Variants in MMP26 observed in about 807,000 individuals in gnomAD.
MMP26 encodes matrix metallopeptidase 26, also known as matrix metalloproteinase-26.
In MMP26, 33 loss-of-function variants were observed where a neutral mutation model predicts 31.0. The observed-to-expected ratio is 1.06, with a 90% CI of 0.81 to 1.42. The LOEUF (loss-of-function observed/expected upper bound fraction) is 1.42. MMP26 is among the 40% of genes most tolerant of loss of function. The pLI is 0.00. For missense variants in MMP26, 347 were observed against 316.1 expected (o/e 1.10, Z -0.74); for synonymous variants, 122 against 114.9 (o/e 1.06, Z -0.40).
chr11:4,948,017 T>C (rs139237596), intron 2 of MMP26, among the ~76,000 whole-genome samples: 4,443 of 124,374 alleles, frequency 0.036, 1,277 homozygotes, highest in Non-Finnish European at 0.058. Flanking sequence ...TCCTAGGACA[T>C]AATGTGTTAT....
intron 2 of MMP26, among the ~76,000 whole-genome samples, chr11:4,929,007 T>G (rs901462820): frequency 6.6e-6 from 1 of 152,294 alleles, no homozygotes; most frequent in East Asian, 1.9e-4. Context: ...CCCTTCTAGA[T>G]ACTTTCTTTA....
chr11:4,824,399 A>G (rs1352875295), intron 2 of MMP26, among the ~76,000 whole-genome samples: 4 of 152,090 alleles, frequency 2.6e-5, no homozygotes, highest in African/African-American at 9.7e-5. Context: ...AAAATTATAC[A>G]CACTTATACG....
chr11:4,794,295 A>C (rs1849074791), intron 2 of MMP26: 2 of 152,158 alleles, frequency 1.3e-5, no homozygotes, highest in African/African-American at 4.8e-5. Flanking sequence ...CCAAACCCAA[A>C]GAATAGACTC....
chr11:4,912,918 A>T (rs1851013351), intron 2 of MMP26: 1 of 151,932 alleles, frequency 6.6e-6, no homozygotes, highest in South Asian at 2.1e-4. Flanking sequence ...TCTAGCCTGG[A>T]ATGTTAAACA....
Position 4,907,567 on chromosome 11 carries a change from G to A in MMP26, c.-144-80501G>A, listed in dbSNP as rs1049660650. The A allele has an allele frequency of 4.3e-6, 7 of 1,613,804 alleles. No individual in the cohort carries two copies. In the African/African-American group the frequency reaches 6.7e-5, roughly 15 times the overall value. ...CCATGTATTATTTCCTTGCCATGTT[G>A]GCTGTCTCTGACATGGGCCTGTCCC... On this transcript the variant is annotated intron_variant, in intron 2 of 7. Transcript: ENST00000380390.
At position 4,984,902 on chromosome 11, in the gene MMP26, C is replaced by T. The variant is rs748516857; in HGVS notation, c.-144-3166C>T. Among the ~76,000 whole-genome samples, 14 of 152,084 alleles carry T rather than the reference C, an allele frequency of 9.2e-5. 1 individual carries two copies. The highest frequency in any genetic ancestry group is 9.7e-5 in the African/African-American group (4 of 41,410). On this transcript the variant is annotated intron_variant, in intron 2 of 7. Coordinates refer to ENST00000380390, the MANE Select transcript of MMP26 (RefSeq NM_021801.5). ...AGAGAGATTTAACCTGATTTTTAAC[C>T]ATCCTAGAGAAGTCTATGTTCAGAA...
intron 1 of MMP26, among the ~76,000 whole-genome samples, chr11:4,728,235 T>G (rs1362828561): frequency 6.6e-6 from 1 of 152,202 alleles, no homozygotes; most frequent in African/African-American, 2.4e-5. Flanking sequence ...TGTTAAACAT[T>G]ATATTATAAT....
At chr11:4,780,521 A>G (rs1269453519) in intron 2 of MMP26, among the ~76,000 whole-genome samples, 2 of 151,876 alleles carry the variant, frequency 1.3e-5, no homozygotes, top group African/African-American at 4.8e-5. Context: ...AAGATTATCT[A>G]TTTTCTTATT....
At chr11:4,895,562 G>T (rs182178469) in intron 2 of MMP26, among the ~76,000 whole-genome samples, 8 of 152,304 alleles carry the variant, frequency 5.3e-5, no homozygotes, top group African/African-American at 1.9e-4. Context: ...ATAAACAGTT[G>T]CATGATTTCT....
chr11:4,818,686 G>T (rs1181694209), intron 2 of MMP26, among the ~76,000 whole-genome samples: 1 of 152,088 alleles, frequency 6.6e-6, no homozygotes, highest in Non-Finnish European at 1.5e-5. Flanking sequence ...TGTTTTGGAT[G>T]TCATCTTGCC....
intron 2 of MMP26, among the ~76,000 whole-genome samples, chr11:4,825,308 T>C (rs1358596371): frequency 6.6e-6 from 1 of 152,198 alleles, no homozygotes; most frequent in African/African-American, 2.4e-5. Flanking sequence ...GTATTTCTAG[T>C]CTTTTTCAAG....
chr11:4,735,551 C>G (rs941506465), intron 1 of MMP26, among the ~76,000 whole-genome samples: 3 of 152,128 alleles, frequency 2.0e-5, no homozygotes, highest in Non-Finnish European at 4.4e-5. Flanking sequence ...TCTTATTACT[C>G]CTGTTGCCAG....
chr11:4,822,224 A>T, intron 2 of MMP26: 1 of 1,584,190 alleles, frequency 6.3e-7, no homozygotes, highest in Non-Finnish European at 8.6e-7. Flanking sequence ...CGCTATGGCC[A>T]TTCAGCACCT....
chr11:4,721,082 G>C lies in MMP26; in HGVS notation c.-217+16037G>C, dbSNP rs1297099046. ...GTGTCCTAGCCTCCCCCAATTAATG[G>C]ACCATAGCAGGGAACCAAACAATTA... On this transcript the variant is annotated intron_variant, in intron 1 of 7. Coordinates refer to ENST00000380390, the MANE Select transcript of MMP26 (RefSeq NM_021801.5). Among the ~76,000 whole-genome samples, 3 of 152,244 alleles carry C rather than the reference G, an allele frequency of 2.0e-5. No homozygotes were observed. The East Asian group carries it at 5.8e-4, about 29-fold the overall frequency.
At chr11:4,721,482 G>A (rs898748932) in intron 1 of MMP26, among the ~76,000 whole-genome samples, 3 of 152,162 alleles carry the variant, frequency 2.0e-5, no homozygotes, top group African/African-American at 7.2e-5. Flanking sequence ...GCAATGGCCA[G>A]CAACAGAGTT....
chr11:4,749,828 T>C (rs1252765886), intron 1 of MMP26, among the ~76,000 whole-genome samples: 1 of 152,116 alleles, frequency 6.6e-6, no homozygotes, highest in Non-Finnish European at 1.5e-5. Flanking sequence ...ATAAAAACAC[T>C]AGAAGAAAAG....
rs568724611 is a variant in MMP26 at position 4,821,898 on chromosome 11, G to A, written c.-145+54557G>A. On this transcript the variant is annotated intron_variant, in intron 2 of 7. Transcript: ENST00000380390. ...TGATAAGAAATGTTGCCGTCATGTT[G>A]CCAGTCATGCTCTTTGTCAAGAGGT... 16 of 1,613,942 alleles carry A rather than the reference G, an allele frequency of 9.9e-6. No individual in the cohort carries two copies. In the South Asian group the frequency reaches 1.6e-4, roughly 17 times the overall value.
chr11:4,764,077 A>C (rs899673898), intron 1 of MMP26, among the ~76,000 whole-genome samples: 4 of 152,168 alleles, frequency 2.6e-5, no homozygotes, highest in African/African-American at 9.7e-5. Context: ...TCTTTTCTTC[A>C]AAATGTCTCA....
rs776230038 is a variant in MMP26 at position 4,915,658 on chromosome 11, G to A, written c.-144-72410G>A. ...TGCTGCTGTTTCCCAGGGATCCCAG[G>A]GTCATTGTGTGAGGAGACAAGGGGG... On this transcript the variant is annotated intron_variant, in intron 2 of 7. Transcript: ENST00000380390. The A allele has an allele frequency of 1.9e-5, 30 of 1,609,822 alleles. No homozygotes were observed. The Admixed American group carries it at 5.0e-4, about 27-fold the overall frequency.
Sources: gnomAD v4.1 joint callset for allele counts (sites outside exome capture counted in the v4.1 genomes callset) on GRCh38, gnomAD v4.1.1 for gene constraint, MANE v1.5 for transcripts, NCBI Gene and HGNC (gene_info 2026-07-23, HGNC 2026-07-21) for gene names.